Variants in GABRB1 observed in about 807,000 individuals in gnomAD.
GABRB1 encodes gamma-aminobutyric acid receptor subunit beta-1.
A neutral mutation model predicts 51.6 loss-of-function variants in GABRB1; 17 were observed. The observed-to-expected ratio is 0.33, with a 90% CI of 0.23 to 0.49. GABRB1 has a LOEUF of 0.49. Among genes scored for constraint, GABRB1 ranks in the 20% least tolerant of loss-of-function variants. GABRB1 has a pLI of 0.99. For missense variants in GABRB1, 410 were observed against 600.6 expected, an observed-to-expected ratio of 0.68 and a Z score of 3.32; for synonymous variants, 247 against 218.9, an observed-to-expected ratio of 1.13 and a Z score of -1.14.
intron 5 of GABRB1, among the ~76,000 whole-genome samples, chr4:47,369,708 T>A (rs1190116284): frequency 6.6e-6 from 1 of 152,174 alleles, no homozygotes; most frequent in African/African-American, 2.4e-5. Flanking sequence ...CAAATTTCCT[T>A]GCAATTCTGA....
chr4:47,354,990 T>G (rs113518663), intron 5 of GABRB1, among the ~76,000 whole-genome samples: 252 of 68,830 alleles, frequency 3.7e-3, no homozygotes, highest in Middle Eastern at 8.3e-3. Flanking sequence ...GTTTTTTTTT[T>G]TTTTTTTTTT....
intron 4 of GABRB1, among the ~76,000 whole-genome samples, chr4:47,215,502 C>T (rs781273324): frequency 3.7e-4 from 56 of 151,664 alleles, no homozygotes; most frequent in Admixed American, 9.9e-4. Context: ...AAAGACTATG[C>T]TAGGTAGAGA....
rs1446740285 is a variant in GABRB1, at chr4:47,327,322, CG to C, written c.544+7114del. Among the ~76,000 whole-genome samples the C allele has an allele frequency of 5.8e-5, 8 of 137,288 alleles. No homozygotes were observed. The East Asian group carries it at 1.7e-3, about 29-fold the overall frequency. The allele number at this position is 137,288 out of a possible 152,430, so 90.1% of individuals were successfully genotyped here. ...CCTGGGCAACATAGTGAAACCGTAT[CG>C]CTTAAAAGAAAAAAAAAAAAGAGTA... On this transcript the variant is annotated intron_variant, in intron 5 of 8. Coordinates refer to ENST00000295454, the MANE Select transcript of GABRB1 (RefSeq NM_000812.4).
At chr4:46,997,064 A>C (rs1196772770) in intron 1 of GABRB1, among the ~76,000 whole-genome samples, 3 of 152,142 alleles carry the variant, frequency 2.0e-5, no homozygotes, top group African/African-American at 7.2e-5. Flanking sequence ...GGTGGGAAGA[A>C]TTGATTTAAT....
chr4:47,233,556 G>A (rs1259106554), intron 4 of GABRB1, among the ~76,000 whole-genome samples: 1 of 152,070 alleles, frequency 6.6e-6, no homozygotes, highest in East Asian at 1.9e-4. Context: ...AAAGTATTTT[G>A]TTATTATTTG....
chr4:47,160,621 T>C (rs929485310), intron 3 of GABRB1, among the ~76,000 whole-genome samples: 2 of 152,100 alleles, frequency 1.3e-5, no homozygotes, highest in Non-Finnish European at 2.9e-5. Flanking sequence ...GATTCCTCTG[T>C]ACAATTTCTC....
rs1482908353 is a variant in GABRB1 at position 47,002,393 on chromosome 4, T to C, written c.-20+8467T>C. 2.3e-3 allele frequency among the ~76,000 whole-genome samples: 352 copies of C among 151,778 alleles called. 3 individuals carry two copies. The highest frequency in any genetic ancestry group is 2.1e-4 in the Non-Finnish European group (14 of 67,968). On this transcript the variant is annotated intron_variant, in intron 1 of 3. Coordinates refer to the GABRB1 transcript ENST00000513567. ...ATATTTGCATTGGATATTTTAATCA[T>C]TTTTTTTACTGGTGATATGAAGGAA...
chr4:47,377,836 C>T (rs986679872), intron 5 of GABRB1, among the ~76,000 whole-genome samples: 1 of 152,200 alleles, frequency 6.6e-6, no homozygotes, highest in African/African-American at 2.4e-5. Flanking sequence ...CATTCACAAA[C>T]CCTGAGGTAG....
At chr4:47,193,683 A>G (rs182743612) in intron 4 of GABRB1, among the ~76,000 whole-genome samples, 149 of 152,332 alleles carry the variant, frequency 9.8e-4, no homozygotes, top group African/African-American at 3.5e-3. Context: ...CTAAGAGTCT[A>G]CACTGAAAGC....
intron 3 of GABRB1, 28 bp from the exon 4 acceptor site, chr4:47,161,197 ATGATAATGATAGTAAAATTCTTTT>A (rs1255279004): frequency 3.4e-6 from 4 of 1,180,870 alleles, no homozygotes; most frequent in Non-Finnish European, 3.6e-6. Flanking sequence ...TAAACCTTAG[ATGATAATGATAGTAAAATTCTTTT>A]TTTTTTTTTG....
intron 5 of GABRB1, among the ~76,000 whole-genome samples, chr4:47,356,989 G>C (rs1416771419): frequency 1.3e-5 from 2 of 152,132 alleles, no homozygotes; most frequent in African/African-American, 4.8e-5. Context: ...CAAATGGAGA[G>C]GCTGAGACCT....
At chr4:47,239,106 T>A (rs1002368416) in intron 4 of GABRB1, among the ~76,000 whole-genome samples, 1 of 152,236 alleles carries the variant, frequency 6.6e-6, no homozygotes, top group African/African-American at 2.4e-5. Context: ...ATGAAATGCT[T>A]ATATACAGTA....
intron 1 of GABRB1, among the ~76,000 whole-genome samples, chr4:47,025,571 C>A (rs573785125): frequency 1.3e-5 from 2 of 151,654 alleles, no homozygotes; most frequent in Non-Finnish European, 2.9e-5. Context: ...TATTCTCAGT[C>A]CAGGTTTTTC....
intron 4 of GABRB1, among the ~76,000 whole-genome samples, chr4:47,296,110 A>C (rs1203969949): frequency 2.0e-5 from 3 of 152,214 alleles, no homozygotes; most frequent in Non-Finnish European, 2.9e-5. Context: ...TGAAGGAAGC[A>C]CTAAACATGG....
At chr4:47,145,039 A>C (rs1009710879) in intron 3 of GABRB1, among the ~76,000 whole-genome samples, 5 of 151,918 alleles carry the variant, frequency 3.3e-5, no homozygotes, top group Non-Finnish European at 7.4e-5. Context: ...GGACTTGTAG[A>C]TAAGTAGAAT....
intron 7 of GABRB1, among the ~76,000 whole-genome samples, chr4:47,404,623 A>G (rs926676358): frequency 2.0e-5 from 3 of 152,122 alleles, no homozygotes; most frequent in Non-Finnish European, 2.9e-5. Context: ...AGCTATACTA[A>G]TTGTCATCAC....
chr4:47,312,388 C>T (rs995185563), intron 4 of GABRB1, among the ~76,000 whole-genome samples: 23 of 150,124 alleles, frequency 1.5e-4, no homozygotes, highest in African/African-American at 5.7e-4. Context: ...TCTTTTCACC[C>T]TATTGCACTG....
At chr4:47,231,783 C>G in intron 4 of GABRB1, among the ~76,000 whole-genome samples, 1 of 152,172 alleles carries the variant, frequency 6.6e-6, no homozygotes. Context: ...ATTTATTTCC[C>G]GACACAGGCG....
chr4:47,311,229 A>G (rs577284448), intron 4 of GABRB1, among the ~76,000 whole-genome samples: 111 of 126,338 alleles, frequency 8.8e-4, no homozygotes, highest in African/African-American at 3.3e-3. Context: ...ACCCGTCTCT[A>G]CTAAAAATAC....
Sources: allele counts gnomAD v4.1 joint callset (sites outside exome capture counted in the v4.1 genomes callset), GRCh38; gene constraint gnomAD v4.1.1; transcripts MANE v1.5; gene names NCBI Gene and HGNC (gene_info 2026-07-23, HGNC 2026-07-21).